PPM1G: variants seen among roughly 807,000 people sequenced by gnomAD.
The protein encoded by PPM1G is protein phosphatase, Mg2+/Mn2+ dependent 1G, also known as protein phosphatase 1G.
PPM1G carries 12 observed loss-of-function variants against 59.4 expected under a neutral mutation model. The ratio of observed to expected loss-of-function variants is 0.20; its 90% confidence interval spans 0.13 to 0.33. The LOEUF (loss-of-function observed/expected upper bound fraction) is 0.33, where lower values mean the gene tolerates loss of function less well. Ranked by LOEUF, PPM1G falls within the 10% of genes least tolerant of loss-of-function variation. PPM1G has a pLI of 1.00. For synonymous variants in PPM1G, 245 were observed against 251.9 expected (o/e 0.97, Z 0.26); for missense variants, 392 against 681.3 (o/e 0.58, Z 4.73).
chr2:27,392,565 G>A (rs577876999), intron 1 of PPM1G, among the ~76,000 whole-genome samples: 91 of 128,448 alleles, frequency 7.1e-4, no homozygotes, highest in Non-Finnish European at 1.2e-3. Flanking sequence ...AAAGTGCTGA[G>A]ATTTAGGCAT....
intron 1 of PPM1G, chr2:27,392,764 TG>T (rs1365116539): frequency 2.4e-5 from 34 of 1,407,230 alleles, no homozygotes; most frequent in Non-Finnish European, 3.1e-5. Flanking sequence ...CCTATGGCTA[TG>T]GGGAAATTAG....
intron 2 of PPM1G, 48 bp from the exon 3 acceptor site, chr2:27,386,327 T>C (rs369370619): frequency 9.1e-5 from 120 of 1,316,490 alleles, no homozygotes; most frequent in Middle Eastern, 5.5e-4. Context: ...TCCCCACACA[T>C]AGAAAGTGAT....
At chr2:27,405,866 G>A (rs1314182869) in intron 1 of PPM1G, among the ~76,000 whole-genome samples, 1 of 152,022 alleles carries the variant, frequency 6.6e-6, no homozygotes, top group Non-Finnish European at 1.5e-5. Flanking sequence ...AGCCAGGCGT[G>A]GTGGCACATG....
Position 27,383,327 on chromosome 2 carries a change from A to T in PPM1G, c.1201+39T>A, listed in dbSNP as rs778485538. 11 of 1,586,602 alleles carry T rather than the reference A, an allele frequency of 6.9e-6. No homozygotes were observed. The South Asian group carries it at 1.1e-4, about 16-fold the overall frequency. ...CTACTAGGTAGTCTGGGACAGAGAG[A>T]AAGACCCTAGAAGTCTTTCCCAGTT... On this transcript the variant is annotated intron_variant, in intron 7 of 9. Transcript: ENST00000344034. This position sits in a 1 kb window ranked among gnomAD's most constrained non-coding sequence, Gnocchi z 5.0.
In PPM1G at chr2:27,385,650, T is replaced by A. The variant is rs1182277817; in HGVS notation, c.409+97A>T. 5 of 1,480,548 alleles carry A rather than the reference T, an allele frequency of 3.4e-6. No homozygotes were observed. Among genetic ancestry groups the A allele is most frequent in the Non-Finnish European group, 4.5e-6 (5 of 1,104,344 alleles). The allele number at this position is 1,480,548 out of a possible 1,614,324, so 91.7% of individuals were successfully genotyped here. ...TTCTTTAACATAAGGACTCCCCAGG[T>A]CCCTAGAAAGCCATCCTATCTTAGA... On this transcript the variant is annotated intron_variant, in intron 4 of 9. Coordinates refer to ENST00000344034, the MANE Select transcript of PPM1G (RefSeq NM_177983.3). The surrounding 1 kb of genome is among the most constrained non-coding windows in gnomAD (Gnocchi z 4.1).
In PPM1G at chr2:27,392,281, GTTTTGTTTTTTTTTT is replaced by G. The variant is rs1431139554; in HGVS notation, c.121-5138_121-5124del. On this transcript the variant is annotated intron_variant, in intron 1 of 9. Transcript: ENST00000344034. Reference sequence around the variant, plus strand: ...CTGGATTACTTTGTTTTGTTGGTTTGTTTTGTTTTTTTTTTTTTTTTTTTTTTTTGAGAGAGAGAA... The same window carrying G: ...CTGGATTACTTTGTTTTGTTGGTTTGTTTTTTTTTTTTTTGAGAGAGAGAA... 7.4e-3 allele frequency among the ~76,000 whole-genome samples: 581 copies of G among 78,774 alleles called. 7 individuals carry two copies. The highest frequency in any genetic ancestry group is 0.031 in the African/African-American group (551 of 17,524). 51.7% of individuals were successfully genotyped at this position (78,774 alleles called of 152,430 possible). A position where few individuals can be genotyped will look rare whatever the true frequency, so the allele number is the denominator to read the frequency against.
intron 1 of PPM1G, among the ~76,000 whole-genome samples, chr2:27,405,072 A>T (rs1167350297): frequency 4.7e-5 from 6 of 128,012 alleles, no homozygotes; most frequent in South Asian, 2.5e-4. Context: ...AACCTACCTC[A>T]TTTTTTTTTT....
intron 1 of PPM1G, among the ~76,000 whole-genome samples, chr2:27,404,763 T>C (rs1273887493): frequency 6.6e-6 from 1 of 151,440 alleles, no homozygotes; most frequent in Non-Finnish European, 1.5e-5. Context: ...GCCAACATAG[T>C]GAAACCCTGT....
Position 27,381,558 on chromosome 2 carries a change from G to A in PPM1G, c.*41C>T. 3 of 1,608,888 alleles carry A rather than the reference G, an allele frequency of 1.9e-6. No individual in the cohort carries two copies. Among genetic ancestry groups the A allele is most frequent in the South Asian group, 1.1e-5 (1 of 90,980 alleles). The stretch of plus-strand genomic sequence containing the variant: ...CAAAACTCAGTCTCAGGTCCGGAGG[G>A]CTCAGAAAACAGTCTAGGTGGGCAG... On this transcript the variant is annotated 3_prime_UTR_variant, in exon 10 of 10. Transcript: ENST00000344034.
rs1683718040 is a variant in PPM1G at position 27,384,628 on chromosome 2, A to C, written c.825+45T>G. 1.3e-6 allele frequency: 2 copies of C among 1,551,792 alleles called. No homozygotes were observed. Among genetic ancestry groups the C allele is most frequent in the Non-Finnish European group, 1.7e-6 (2 of 1,147,876 alleles). On this transcript the variant is annotated intron_variant, in intron 5 of 9. Coordinates refer to ENST00000344034, the MANE Select transcript of PPM1G (RefSeq NM_177983.3). This position sits in a 1 kb window ranked among gnomAD's most constrained non-coding sequence, Gnocchi z 4.8. Reference sequence around the variant, plus strand: ...AAACTACAGACGGCAACCAAACAGGACCTCTCTGCAACTTCAGCATCTGCC... The same window carrying C: ...AAACTACAGACGGCAACCAAACAGGCCCTCTCTGCAACTTCAGCATCTGCC...
chr2:27,405,778 C>T (rs1487888846), intron 1 of PPM1G, among the ~76,000 whole-genome samples: 3 of 151,544 alleles, frequency 2.0e-5, no homozygotes, highest in South Asian at 2.1e-4. Flanking sequence ...AGAGGCGGGC[C>T]GATCACCTGA....
At chr2:27,405,744 G>A (rs868410309) in intron 1 of PPM1G, among the ~76,000 whole-genome samples, 11 of 151,830 alleles carry the variant, frequency 7.2e-5, no homozygotes, top group African/African-American at 2.7e-4. Flanking sequence ...GCTGGGCATG[G>A]TGGCTCACAG....
In PPM1G at chr2:27,409,475, C is replaced by T; in HGVS notation, c.-53G>A. ...GCAGGAAAGCTGGGCGCGACCCGTG[C>T]CGGAGCCGAAGCCCCGGGGGTGCGC... On this transcript the variant is annotated 5_prime_UTR_variant, in exon 1 of 10. Transcript: ENST00000344034. The T allele has an allele frequency of 7.0e-7, 1 of 1,422,508 alleles. No homozygotes were observed. The highest frequency in any genetic ancestry group is 1.5e-5 in the South Asian group (1 of 67,224). The allele number at this position is 1,422,508 out of a possible 1,614,324, so 88.1% of individuals were successfully genotyped here. A position where few individuals can be genotyped will look rare whatever the true frequency, so the allele number is the denominator to read the frequency against.
rs1683767855 is a variant in PPM1G at position 27,386,528 on chromosome 2, A to C, written c.191-249T>G. The C allele has an allele frequency of 1.0e-5, 3 of 289,848 alleles. No individual in the cohort carries two copies. The South Asian group carries it at 1.7e-4, about 16-fold the overall frequency. 18.0% of individuals were successfully genotyped at this position (289,848 alleles called of 1,614,324 possible). On this transcript the variant is annotated intron_variant, in intron 2 of 9. Transcript: ENST00000344034. Reference sequence around the variant, plus strand: ...TGTATACTTAGTTCTCCAGTGAAAAAAAGATAAAGAATCAGCTCAACTGGG... The same window carrying C: ...TGTATACTTAGTTCTCCAGTGAAAACAAGATAAAGAATCAGCTCAACTGGG...
chr2:27,384,528 G>A lies in PPM1G; in HGVS notation c.825+145C>T, dbSNP rs1683715492. 3 of 1,032,976 alleles carry A rather than the reference G, an allele frequency of 2.9e-6. No homozygotes were observed. The highest frequency in any genetic ancestry group is 2.4e-5 in the Admixed American group (1 of 42,338). 64.0% of individuals were successfully genotyped at this position (1,032,976 alleles called of 1,614,324 possible). A position where few individuals can be genotyped will look rare whatever the true frequency, so the allele number is the denominator to read the frequency against. ...GGTACCTGTGATGATGGAGCTCAATGAATTCAAGACTAAAGCTTAGAATAC... is the reference window on the plus strand; with the variant it reads ...GGTACCTGTGATGATGGAGCTCAATAAATTCAAGACTAAAGCTTAGAATAC... On this transcript the variant is annotated intron_variant, in intron 5 of 9. Coordinates refer to ENST00000344034, the MANE Select transcript of PPM1G (RefSeq NM_177983.3). The surrounding 1 kb of genome is among the most constrained non-coding windows in gnomAD (Gnocchi z 4.8).
chr2:27,394,797 T>C (rs1684006352), intron 1 of PPM1G, among the ~76,000 whole-genome samples: 1 of 150,902 alleles, frequency 6.6e-6, no homozygotes, highest in African/African-American at 2.4e-5. Context: ...TATTTCATTT[T>C]CCAGGAGTTT....
intron 1 of PPM1G, among the ~76,000 whole-genome samples, chr2:27,388,726 T>A (rs751010314): frequency 6.6e-6 from 1 of 151,612 alleles, no homozygotes; most frequent in Non-Finnish European, 1.5e-5. Flanking sequence ...ATACAAAAAA[T>A]TAGCTGGAGG....
chr2:27,384,651 G>A lies in PPM1G; in HGVS notation c.825+22C>T. 6.3e-7 allele frequency: 1 copy of A among 1,578,160 alleles called. No homozygotes were observed. The highest frequency in any genetic ancestry group is 8.6e-7 in the Non-Finnish European group (1 of 1,158,316). ...GGACCTCTCTGCAACTTCAGCATCT[G>A]CCTGCCCTCACAGGCCCTTACCTCA... is the stretch of plus-strand genomic sequence containing the variant. On this transcript the variant is annotated intron_variant, in intron 5 of 9. Transcript: ENST00000344034. This position sits in a 1 kb window ranked among gnomAD's most constrained non-coding sequence, Gnocchi z 4.8.
chr2:27,381,266 G>A lies in PPM1G; in HGVS notation c.*333C>T, dbSNP rs1187094923. ...GTACAACAGAGAGCGGGTGCAAGCG[G>A]CCGAGGGCCATGGAGCCGCCAATAA... On this transcript the variant is annotated 3_prime_UTR_variant, in exon 10 of 10. Transcript: ENST00000344034. 7.5e-6 allele frequency: 3 copies of A among 402,600 alleles called. No homozygotes were observed. Among genetic ancestry groups the A allele is most frequent in the Non-Finnish European group, 1.4e-5 (3 of 216,674 alleles). 24.9% of individuals were successfully genotyped at this position (402,600 alleles called of 1,614,324 possible).
Sources: allele counts gnomAD v4.1 joint callset (sites outside exome capture counted in the v4.1 genomes callset), GRCh38; gene constraint gnomAD v4.1.1; non-coding constraint Gnocchi (gnomAD v3.1); transcripts MANE v1.5; gene names NCBI Gene and HGNC (gene_info 2026-07-23, HGNC 2026-07-21).